CECR2: variants seen among roughly 807,000 people sequenced by gnomAD.
CECR2 encodes the protein chromatin remodeling regulator CECR2.
In CECR2, 30 loss-of-function variants were observed where a neutral mutation model predicts 154.5. That is an observed-to-expected ratio of 0.19 (90% confidence interval 0.15 to 0.26). The LOEUF is 0.26. Ranked by LOEUF, CECR2 falls within the 10% of genes least tolerant of loss-of-function variation. The pLI is 1.00. For synonymous variants in CECR2, 725 were observed against 683.7 expected (o/e 1.06, Z -0.94); for missense variants, 1,743 against 1,829.3 (o/e 0.95, Z 0.86).
Position 17,504,848 on chromosome 22 carries a change from G to A in CECR2, c.702G>A (p.Gly234=). The change falls in exon 7 of 19, where the codon GGG becomes GGA. Residue 234 remains glycine (G), a splice_region_variant and synonymous_variant. Transcript: ENST00000262608. ...TGAATCCGTTCCTTTATTTTCTAGGGTCCCAAGGGCCAGGCCAAGGTACTT... is the reference window on the plus strand; with the variant it reads ...TGAATCCGTTCCTTTATTTTCTAGGATCCCAAGGGCCAGGCCAAGGTACTT... The part of the protein sequence containing the change: ...SLASEPQTRH[G]SQGPGQGTWW... 6.2e-7 allele frequency: 1 copy of A among 1,612,486 alleles called. No homozygotes were observed. The highest frequency in any genetic ancestry group is 8.5e-7 in the Non-Finnish European group (1 of 1,179,402).
chr22:17,504,655 A>G (rs1188236369), intron 6 of CECR2, among the ~76,000 whole-genome samples, 192 bp from the exon 7 acceptor site: 3 of 150,626 alleles, frequency 2.0e-5, no homozygotes, highest in East Asian at 2.0e-4. Context: ...GTTAGCCAGG[A>G]TGGTCTCGAT....
At chr22:17,434,628 C>T (rs1376457885) in intron 1 of CECR2, among the ~76,000 whole-genome samples, 1 of 149,768 alleles carries the variant, frequency 6.7e-6, no homozygotes, top group African/African-American at 2.4e-5. Flanking sequence ...GAACCCCCCA[C>T]TCTTTTTATG....
chr22:17,438,693 A>G (rs2146658807), intron 1 of CECR2, among the ~76,000 whole-genome samples: 1 of 152,174 alleles, frequency 6.6e-6, no homozygotes, highest in South Asian at 2.1e-4. Flanking sequence ...TGTGGCCCAA[A>G]ACAATTCTTC....
chr22:17,483,667 AAGTT>A (rs1365770194), intron 2 of CECR2, among the ~76,000 whole-genome samples: 1 of 152,226 alleles, frequency 6.6e-6, no homozygotes, highest in Non-Finnish European at 1.5e-5. Context: ...AAGAATCAAA[AAGTT>A]AAAAGTTTGT....
chr22:17,518,522 A>G (rs971976193), intron 8 of CECR2, among the ~76,000 whole-genome samples: 1 of 152,130 alleles, frequency 6.6e-6, no homozygotes, highest in Non-Finnish European at 1.5e-5. Context: ...GCCATCTTTC[A>G]TGCCTTTGTC....
intron 16 of CECR2, among the ~76,000 whole-genome samples, chr22:17,546,269 C>T (rs1019856835): frequency 2.6e-5 from 4 of 151,788 alleles, no homozygotes; most frequent in Non-Finnish European, 4.4e-5. Flanking sequence ...GGGTGGATCA[C>T]GAGGTCAGGA....
intron 1 of CECR2, among the ~76,000 whole-genome samples, chr22:17,436,715 G>T (rs1260064001): frequency 6.6e-6 from 1 of 152,250 alleles, no homozygotes; most frequent in Non-Finnish European, 1.5e-5. Context: ...GGAAGAGGTT[G>T]TATAAATAGC....
intron 10 of CECR2, 87 bp from the exon 11 acceptor site, chr22:17,538,433 A>G: frequency 8.8e-7 from 1 of 1,141,348 alleles, no homozygotes; most frequent in Admixed American, 1.7e-5. Context: ...ATCTTAGTTC[A>G]GTCAGGTGTG....
rs779081450 is a variant in CECR2 at position 17,548,841 on chromosome 22, C to G, written c.3554C>G (p.Ser1185Cys). The change falls in exon 17 of 19, where the codon TCC becomes TGC. Residue 1185 changes from serine to cysteine, a missense_variant. By Grantham distance (112) the Ser-to-Cys change is moderately radical. Around this residue, in one of 4 missense-constraint regions of CECR2, gnomAD observed 1,250 missense variants for 1,192.1 expected, o/e 1.05. Coordinates refer to ENST00000262608, the MANE Select transcript of CECR2 (RefSeq NM_001290047.2). The part of the protein sequence containing the change: ...RYRPPQGMRY[S>C]YHPPPQPSYH... ...CGCCCCCCACAAGGAATGAGGTATTCCTACCACCCACCGCCACAGCCTTCC... is the reference window on the plus strand; with the variant it reads ...CGCCCCCCACAAGGAATGAGGTATTGCTACCACCCACCGCCACAGCCTTCC... The G allele has an allele frequency of 1.4e-5, 23 of 1,613,548 alleles. No individual in the cohort carries two copies. Among genetic ancestry groups the G allele is most frequent in the Non-Finnish European group, 1.8e-5 (21 of 1,179,744 alleles).
At chr22:17,412,564 A>G (rs993979161) in intron 1 of CECR2, among the ~76,000 whole-genome samples, 3 of 151,968 alleles carry the variant, frequency 2.0e-5, no homozygotes, top group East Asian at 1.9e-4. Flanking sequence ...CCGCCCTCCT[A>G]CCTTCACCAG....
In CECR2 at chr22:17,548,895, A is replaced by T. The variant is rs760057860; in HGVS notation, c.3608A>T (p.Tyr1203Phe). Reference protein sequence around the residue: ...SYHHYQRTPYYACPQSFSDWQ... With the variant: ...SYHHYQRTPYFACPQSFSDWQ... ...CACCACTATCAGCGAACTCCTTACT[A>T]TGCCTGTCCACAGAGCTTTTCTGAC... Residue 1203 changes from tyrosine (Y) to phenylalanine (F), a missense_variant, in exon 17 of 19, where the codon TAT becomes TTT. Transcript: ENST00000262608. 6.2e-7 allele frequency: 1 copy of T among 1,613,272 alleles called. No individual in the cohort carries two copies.
At chr22:17,502,078 T>C (rs781525240) in intron 5 of CECR2, among the ~76,000 whole-genome samples, 4 of 152,084 alleles carry the variant, frequency 2.6e-5, no homozygotes, top group Non-Finnish European at 2.9e-5. Context: ...GTCCACAGAG[T>C]GTCCTTTCTG....
chr22:17,520,809 T>TAGAA, intron 8 of CECR2, among the ~76,000 whole-genome samples: 1 of 152,306 alleles, frequency 6.6e-6, no homozygotes, highest in East Asian at 1.9e-4. Context: ...TGTGCCTCAT[T>TAGAA]TTCTTATTCC....
At chr22:17,552,332 T>C (rs1264106128) in intron 18 of CECR2, among the ~76,000 whole-genome samples, 190 bp downstream of exon 18, 1 of 152,154 alleles carries the variant, frequency 6.6e-6, no homozygotes, top group Non-Finnish European at 1.5e-5. Context: ...ACATGTCTCT[T>C]TTTCTTATTG....
intron 1 of CECR2, among the ~76,000 whole-genome samples, chr22:17,431,547 G>A (rs2054422768): frequency 6.6e-6 from 1 of 152,170 alleles, no homozygotes; most frequent in South Asian, 2.1e-4. Flanking sequence ...TTATTTGCAT[G>A]TAGATCTTGA....
intron 1 of CECR2, among the ~76,000 whole-genome samples, chr22:17,468,928 G>A (rs192122136): frequency 6.6e-6 from 1 of 152,226 alleles, no homozygotes; most frequent in Admixed American, 6.5e-5. Context: ...CGGGAGGCAG[G>A]AGGACAAGAG....
chr22:17,362,730 T>G (rs954112083), intron 1 of CECR2, among the ~76,000 whole-genome samples: 2 of 151,744 alleles, frequency 1.3e-5, no homozygotes, highest in Admixed American at 6.6e-5. Context: ...GGTGAAACCC[T>G]GTCTCTATGA....
chr22:17,396,631 C>G (rs755234193), intron 1 of CECR2, among the ~76,000 whole-genome samples: 1 of 152,202 alleles, frequency 6.6e-6, no homozygotes, highest in Non-Finnish European at 1.5e-5. Context: ...GAGTGAAGCA[C>G]TGTTTGAAAA....
chr22:17,402,524 A>T (rs1346069850), intron 1 of CECR2, among the ~76,000 whole-genome samples: 1 of 152,182 alleles, frequency 6.6e-6, no homozygotes, highest in Non-Finnish European at 1.5e-5. Flanking sequence ...CCAGTCAAAC[A>T]TTATTTATAA....
Sources: gnomAD v4.1 joint callset for allele counts (sites outside exome capture counted in the v4.1 genomes callset) on GRCh38, gnomAD v4.1.1 for gene constraint, gnomAD v4.1.1 regional missense constraint, MANE v1.5 for transcripts, NCBI Gene and HGNC (gene_info 2026-07-23, HGNC 2026-07-21) for gene names.